SNRNP200: variants seen among roughly 807,000 people sequenced by gnomAD.
The protein encoded by SNRNP200 is U5 small nuclear ribonucleoprotein 200 kDa helicase.
A neutral mutation model predicts 255.2 loss-of-function variants in SNRNP200; 66 were observed. The ratio of observed to expected loss-of-function variants is 0.26; its 90% CI spans 0.21 to 0.32. SNRNP200 has a LOEUF of 0.32. Ranked by LOEUF, SNRNP200 falls within the 10% of genes least tolerant of loss-of-function variation. SNRNP200 has a pLI of 1.00. For synonymous variants in SNRNP200, 939 were observed against 1,027.8 expected (o/e 0.91, Z 1.65); for missense variants, 1,585 against 2,749.8 (o/e 0.58, Z 9.47).
In SNRNP200 at chr2:96,293,327, G is replaced by C; in HGVS notation, c.2025C>G (p.Tyr675Ter). 6.2e-7 allele frequency: 1 copy of C among 1,614,150 alleles called. No homozygotes were observed. ...LRVDPAKGLF[Y>*]FDNSFRPVPL... ...GTCTTTCCTGATACCTGTTGTCAAA[G>C]TAAAAGAGACCCTTGGCAGGGTCAA... Residue 675 changes from tyrosine (Y) to a stop codon, truncating the protein, a stop_gained, in exon 15 of 45, where the codon TAC (tyrosine) becomes TAG (stop). Coordinates refer to ENST00000323853, the MANE Select transcript of SNRNP200 (RefSeq NM_014014.5). LOFTEE classifies it high-confidence loss of function.
chr2:96,287,278 AG>A lies in SNRNP200; in HGVS notation c.3485-119del. ...CTTCCCTTTATGGTCAGTGGAGCCC[AG>A]GATTCCAAGTCCCCAGACCAAGGGC... is the stretch of plus-strand genomic sequence containing the variant. On this transcript the variant is annotated intron_variant, in intron 26 of 44. Coordinates refer to ENST00000323853, the MANE Select transcript of SNRNP200 (RefSeq NM_014014.5). This position sits in a 1 kb window ranked among gnomAD's most constrained non-coding sequence, Gnocchi z 5.7. 1 of 1,373,298 alleles carries A rather than the reference AG, an allele frequency of 7.3e-7. No homozygotes were observed. Among genetic ancestry groups the A allele is most frequent in the Non-Finnish European group, 1.0e-6 (1 of 962,058 alleles). 85.1% of individuals were successfully genotyped at this position (1,373,298 alleles called of 1,614,324 possible). A position where few individuals can be genotyped will look rare whatever the true frequency, so the allele number is the denominator to read the frequency against.
Position 96,284,020 on chromosome 2 carries a change from GA to G in SNRNP200, c.4393-17del. 7.1e-7 allele frequency: 1 copy of G among 1,399,354 alleles called. No homozygotes were observed. Among genetic ancestry groups the G allele is most frequent in the Non-Finnish European group, 1.0e-6 (1 of 1,004,794 alleles). The allele number at this position is 1,399,354 out of a possible 1,614,324, so 86.7% of individuals were successfully genotyped here. ...CTAAGACAGGCTGGAAAGAGGGAGG[GA>G]GGGAGGGTCACTGCAGGCCAAGGCT... On this transcript the variant is annotated splice_polypyrimidine_tract_variant and intron_variant, in intron 31 of 44. Transcript: ENST00000323853.
chr2:96,290,324 A>G lies in SNRNP200; in HGVS notation c.2742+2T>C. 5 of 1,613,802 alleles carry G rather than the reference A, an allele frequency of 3.1e-6. No individual in the cohort carries two copies. The highest frequency in any genetic ancestry group is 4.2e-6 in the Non-Finnish European group (5 of 1,179,996). ...GAAGCACAACAAGCAGTCCTCCCCT[A>G]CCTTGGCATTCTGGACATTTCCTAG... On this transcript the variant is annotated splice_donor_variant, in intron 20 of 44. Coordinates refer to ENST00000323853, the MANE Select transcript of SNRNP200 (RefSeq NM_014014.5). LOFTEE classifies it high-confidence loss of function. The surrounding 1 kb of genome is among the most constrained non-coding windows in gnomAD (Gnocchi z 4.5).
chr2:96,285,046 G>C, intron 30 of SNRNP200, 134 bp downstream of exon 30: 1 of 1,088,032 alleles, frequency 9.2e-7, no homozygotes, highest in Non-Finnish European at 1.4e-6. Context: ...CACCACGCTT[G>C]GCTGGGGCAG....
rs770482282 is a variant in SNRNP200 at position 96,275,107 on chromosome 2, G to A, written c.6316C>T (p.Leu2106=). The A allele has an allele frequency of 1.9e-6, 3 of 1,614,230 alleles. No homozygotes were observed. Among genetic ancestry groups the A allele is most frequent in the Non-Finnish European group, 2.5e-6 (3 of 1,180,038 alleles). ...ATGTAAGCGTCACTCATGAAGTACA[G>A]AGTGTAGTTGTGGGCACCAGTGGCT... ...APATGAHNYT[L]YFMSDAYMGC... Residue 2106 remains leucine, a synonymous_variant, in exon 45 of 45, where the codon CTG becomes TTG. Coordinates refer to ENST00000323853, the MANE Select transcript of SNRNP200 (RefSeq NM_014014.5).
Position 96,284,498 on chromosome 2 carries a change from G to A in SNRNP200, c.4252C>T (p.Leu1418=). The change falls in exon 31 of 45, where the codon CTG becomes TTG. Residue 1418 remains leucine (L), a synonymous_variant. Transcript: ENST00000323853. ...ATGATAATGTTCCCTTTGCCCAGCA[G>A]CTTCAGGTCTGTGCTGGTCTCGCCT... ...LTGETSTDLK[L]LGKGNIIIST... 6.2e-7 allele frequency: 1 copy of A among 1,614,150 alleles called. No individual in the cohort carries two copies.
At position 96,293,367 on chromosome 2, in the gene SNRNP200, G is replaced by C; in HGVS notation, c.1985C>G (p.Ala662Gly). 1 of 1,614,176 alleles carries C rather than the reference G, an allele frequency of 6.2e-7. No homozygotes were observed. Among genetic ancestry groups the C allele is most frequent in the Non-Finnish European group, 8.5e-7 (1 of 1,180,014 alleles). ...GGCAGGGTCAACACGTAGAAAGGTG[G>C]CTACATCTTCATAGTTGGGTAGGGT... ...SATLPNYEDV[A>G]TFLRVDPAKG... Residue 662 changes from alanine to glycine, a missense_variant, in exon 15 of 45, where the codon GCC becomes GGC. Ala to Gly is a moderately conservative substitution (Grantham distance 60). Around this residue, in one of 9 missense-constraint regions of SNRNP200, gnomAD observed 140 missense variants for 274.9 expected, o/e 0.51. Transcript: ENST00000323853.
chr2:96,304,904 G>A (rs1389371574), intron 1 of SNRNP200, 36 bp from the exon 2 acceptor site: 2 of 1,603,424 alleles, frequency 1.2e-6, no homozygotes, highest in Non-Finnish European at 1.7e-6. Context: ...GCTTTGACAT[G>A]AGCAGGGCCA....
Position 96,287,036 on chromosome 2 carries a change from G to A in SNRNP200, c.3609C>T (p.Thr1203=). The change falls in exon 27 of 45, where the codon ACC becomes ACT. Residue 1203 remains threonine (T), a synonymous_variant. Coordinates refer to ENST00000323853, the MANE Select transcript of SNRNP200 (RefSeq NM_014014.5). The surrounding 1 kb of genome is among the most constrained non-coding windows in gnomAD (Gnocchi z 5.7). ...CATCCCACTGGAAGTCTGGCGTGATGGTCAGCTCCACCTTCAGGGTGGAGC... is the reference window on the plus strand; with the variant it reads ...CATCCCACTGGAAGTCTGGCGTGATAGTCAGCTCCACCTTCAGGGTGGAGC... ...ITRSTLKVEL[T]ITPDFQWDEK... The A allele has an allele frequency of 1.2e-6, 2 of 1,614,198 alleles. No individual in the cohort carries two copies. Among genetic ancestry groups the A allele is most frequent in the Non-Finnish European group, 1.7e-6 (2 of 1,180,028 alleles).
chr2:96,295,383 G>T lies in SNRNP200; in HGVS notation c.1842+105C>A, dbSNP rs1455902032. ...AATTGGAGGACTAGTCATTACAAAG[G>T]CTAGTGCCTACAGAAAAGGCAGCAA... On this transcript the variant is annotated intron_variant, in intron 14 of 44. Transcript: ENST00000323853. 21 of 1,472,332 alleles carry T rather than the reference G, an allele frequency of 1.4e-5. No individual in the cohort carries two copies. In the Admixed American group the frequency reaches 3.3e-4, roughly 23 times the overall value. 91.2% of individuals were successfully genotyped at this position (1,472,332 alleles called of 1,614,324 possible). A position where few individuals can be genotyped will look rare whatever the true frequency, so the allele number is the denominator to read the frequency against.
Position 96,303,299 on chromosome 2 carries a change from T to C in SNRNP200, c.241A>G (p.Ile81Val). The C allele has an allele frequency of 6.2e-7, 1 of 1,614,204 alleles. No homozygotes were observed. Among genetic ancestry groups the C allele is most frequent in the East Asian group, 2.2e-5 (1 of 44,886 alleles). ...RRKRDEDRHD[I>V]NKMKGYTLLS... ...AGAGTATAACCCTTCATCTTGTTGA[T>C]GTCATGCCGGTCCTCATCACGCTTT... The change falls in exon 3 of 45, where the codon ATC (isoleucine) becomes GTC (valine). Residue 81 changes from isoleucine to valine, a missense_variant. Physicochemically the swap from Ile to Val is conservative, Grantham distance 29. Around this residue, in one of 9 missense-constraint regions of SNRNP200, gnomAD observed 383 missense variants for 645.3 expected, o/e 0.59. Transcript: ENST00000323853.
chr2:96,297,783 T>C (rs1030734102), intron 9 of SNRNP200, 63 bp from the exon 10 acceptor site: 3 of 1,572,078 alleles, frequency 1.9e-6, no homozygotes, highest in Non-Finnish European at 2.6e-6. Context: ...TCTTGTCCTT[T>C]TCTGCCCCTG....
intron 14 of SNRNP200, among the ~76,000 whole-genome samples, chr2:96,295,113 G>A (rs1164561296): frequency 6.6e-6 from 1 of 152,134 alleles, no homozygotes; most frequent in Non-Finnish European, 1.5e-5. Flanking sequence ...GGAGGCTGAG[G>A]CAGGAGAATT....
chr2:96,286,977 T>C lies in SNRNP200; in HGVS notation c.3639+29A>G. On this transcript the variant is annotated intron_variant, in intron 27 of 44. Transcript: ENST00000323853. The surrounding 1 kb of genome is among the most constrained non-coding windows in gnomAD (Gnocchi z 4.8). ...AGCAACGTAGACTGAGCACCTCCAA[T>C]CCAGCACCTCTGCCCAGCAAAGCCT... is the stretch of plus-strand genomic sequence containing the variant. 2 of 1,614,086 alleles carry C rather than the reference T, an allele frequency of 1.2e-6. No homozygotes were observed. Among genetic ancestry groups the C allele is most frequent in the Non-Finnish European group, 1.7e-6 (2 of 1,179,984 alleles).
chr2:96,296,048 A>C lies in SNRNP200; in HGVS notation c.1672-390T>G, dbSNP rs1015302176. ...CCAGGGAGGCTGAAGTGGGAGGATC[A>C]CTTGAACCTGGGAAGTTAAGGCTGC... On this transcript the variant is annotated intron_variant, in intron 13 of 44. Coordinates refer to ENST00000323853, the MANE Select transcript of SNRNP200 (RefSeq NM_014014.5). Among the ~76,000 whole-genome samples the C allele has an allele frequency of 3.3e-5, 5 of 152,116 alleles. No homozygotes were observed. In the South Asian group the frequency reaches 1.0e-3, roughly 32 times the overall value.
At position 96,278,302 on chromosome 2, in the gene SNRNP200, T is replaced by C. The variant is rs772712024; in HGVS notation, c.5545A>G (p.Ile1849Val). ...TTCTCATACTCTGCTGCATTGGAGA[T>C]GATCTCGATAAGCCCTCGCACCTTG... ...KTKVRGLIEI[I>V]SNAAEYENIP... is the part of the protein sequence containing the mutation. The change falls in exon 39 of 45, where the codon ATC becomes GTC. Residue 1849 changes from isoleucine to valine, a missense_variant. By Grantham distance (29) the Ile-to-Val change is conservative. Around this residue, in one of 9 missense-constraint regions of SNRNP200, gnomAD observed 279 missense variants for 551.2 expected, o/e 0.51. Coordinates refer to ENST00000323853, the MANE Select transcript of SNRNP200 (RefSeq NM_014014.5). This position sits in a 1 kb window ranked among gnomAD's most constrained non-coding sequence, Gnocchi z 6.9. 1.9e-6 allele frequency: 3 copies of C among 1,614,178 alleles called. No individual in the cohort carries two copies. The South Asian group carries it at 3.3e-5, about 18-fold the overall frequency.
intron 43 of SNRNP200, among the ~76,000 whole-genome samples, chr2:96,275,813 T>C (rs1238879576): frequency 6.6e-6 from 1 of 152,136 alleles, no homozygotes; most frequent in Non-Finnish European, 1.5e-5. Flanking sequence ...CCATACTGGC[T>C]AACATGGTGA....
Position 96,287,618 on chromosome 2 carries a change from T to G in SNRNP200, c.3366-61A>C. On this transcript the variant is annotated intron_variant, in intron 25 of 44. Coordinates refer to ENST00000323853, the MANE Select transcript of SNRNP200 (RefSeq NM_014014.5). This position sits in a 1 kb window ranked among gnomAD's most constrained non-coding sequence, Gnocchi z 5.7. Reference sequence around the variant, plus strand: ...TGCAGGGATGTGACAAACCACCCACTTCATGGCTTCCAATAGTTTAGCAGT... The same window carrying G: ...TGCAGGGATGTGACAAACCACCCACGTCATGGCTTCCAATAGTTTAGCAGT... 8.1e-7 allele frequency: 1 copy of G among 1,232,368 alleles called. No individual in the cohort carries two copies. The highest frequency in any genetic ancestry group is 1.2e-6 in the Non-Finnish European group (1 of 831,776). The allele number at this position is 1,232,368 out of a possible 1,614,324, so 76.3% of individuals were successfully genotyped here.
At position 96,282,657 on chromosome 2, in the gene SNRNP200, A is replaced by G. The variant is rs369903135; in HGVS notation, c.4915+544T>C. 1.6e-4 allele frequency: 37 copies of G among 230,638 alleles called. 1 individual carries two copies. Among genetic ancestry groups the G allele is most frequent in the African/African-American group, 7.7e-4 (34 of 44,134 alleles). The allele number at this position is 230,638 out of a possible 1,614,324, so 14.3% of individuals were successfully genotyped here. On this transcript the variant is annotated intron_variant, in intron 34 of 44. Coordinates refer to ENST00000323853, the MANE Select transcript of SNRNP200 (RefSeq NM_014014.5). Reference sequence around the variant, plus strand: ...ACTGTCTAGTGAATGAGTTCTCACGAGATCTGGTTGTTCAAAAGTGTGTAG... The same window carrying G: ...ACTGTCTAGTGAATGAGTTCTCACGGGATCTGGTTGTTCAAAAGTGTGTAG...
Sources: gnomAD v4.1 joint callset for allele counts (sites outside exome capture counted in the v4.1 genomes callset) on GRCh38, gnomAD v4.1.1 for gene constraint, gnomAD v4.1.1 regional missense constraint, Gnocchi (gnomAD v3.1) non-coding constraint, MANE v1.5 for transcripts, NCBI Gene and HGNC (gene_info 2026-07-23, HGNC 2026-07-21) for gene names.